The following PIP5K1B variants were observed in gnomAD, a reference collection of about 807,000 sequenced individuals.
The protein encoded by PIP5K1B is phosphatidylinositol-4-phosphate 5-kinase type 1 beta, also known as phosphatidylinositol 4-phosphate 5-kinase type-1 beta.
In PIP5K1B, 42 loss-of-function variants were observed where a neutral mutation model predicts 67.0. The ratio of observed to expected loss-of-function variants is 0.63; its 90% CI spans 0.49 to 0.81. The LOEUF is 0.81. PIP5K1B is among the 30% of genes least tolerant of loss of function. The pLI is 0.00. For missense variants in PIP5K1B, 459 were observed against 646.3 expected, an observed-to-expected ratio of 0.71 and a Z score of 3.14; for synonymous variants, 214 against 231.4, an observed-to-expected ratio of 0.92 and a Z score of 0.68.
intron 7 of PIP5K1B, among the ~76,000 whole-genome samples, chr9:68,892,274 T>G (rs1250292569): frequency 2.0e-5 from 3 of 152,192 alleles, no homozygotes; most frequent in East Asian, 1.9e-4. Flanking sequence ...TTGAAGAATG[T>G]TTTTTAAAAT....
chr9:68,899,460 G>A (rs1392065562), intron 8 of PIP5K1B, among the ~76,000 whole-genome samples: 1 of 11,502 alleles, frequency 8.7e-5, no homozygotes, highest in African/African-American at 1.1e-4. Context: ...GCTGTCTAAT[G>A]ATTTAAAAAA....
chr9:68,715,811 A>G (rs1249511836), intron 1 of PIP5K1B, among the ~76,000 whole-genome samples: 1 of 152,244 alleles, frequency 6.6e-6, no homozygotes, highest in Non-Finnish European at 1.5e-5. Context: ...GATCCTGTCC[A>G]TGAACTTGAT....
chr9:68,912,686 G>T (rs1270108435), intron 8 of PIP5K1B, among the ~76,000 whole-genome samples: 3 of 152,112 alleles, frequency 2.0e-5, no homozygotes, highest in Non-Finnish European at 4.4e-5. Context: ...CAAGCAAGTG[G>T]GGGAGCCATG....
At chr9:68,753,130 A>C (rs1298935515) in intron 2 of PIP5K1B, among the ~76,000 whole-genome samples, 1 of 151,796 alleles carries the variant, frequency 6.6e-6, no homozygotes. Flanking sequence ...TTAAGAATCC[A>C]TCTTTTTGTT....
chr9:68,791,204 G>T (rs571383439), intron 2 of PIP5K1B, among the ~76,000 whole-genome samples: 1 of 152,158 alleles, frequency 6.6e-6, no homozygotes. Context: ...TGAGGTAATC[G>T]CTCCTGGGAT....
intron 4 of PIP5K1B, among the ~76,000 whole-genome samples, chr9:68,853,287 G>T (rs1453913940): frequency 2.0e-5 from 3 of 152,204 alleles, no homozygotes; most frequent in African/African-American, 7.2e-5. Context: ...TGTAGAACTT[G>T]GGGAAGGAGG....
chr9:68,854,842 C>T (rs567088095), intron 4 of PIP5K1B, among the ~76,000 whole-genome samples: 80 of 152,284 alleles, frequency 5.3e-4, no homozygotes, highest in Non-Finnish European at 1.0e-3. Flanking sequence ...TCCTTCCTGT[C>T]TTATTTTCCT....
At chr9:68,996,368 C>T (rs992983890) in intron 15 of PIP5K1B, among the ~76,000 whole-genome samples, 5 of 152,168 alleles carry the variant, frequency 3.3e-5, no homozygotes, top group Admixed American at 3.3e-4. Flanking sequence ...AAAGGCCATT[C>T]ACCTTCACAC....
intron 13 of PIP5K1B, among the ~76,000 whole-genome samples, chr9:68,938,053 G>A (rs1827359064): frequency 6.6e-6 from 1 of 152,192 alleles, no homozygotes; most frequent in Non-Finnish European, 1.5e-5. Flanking sequence ...GCAATGAGGT[G>A]CTGAGAAGAA....
intron 6 of PIP5K1B, among the ~76,000 whole-genome samples, chr9:68,884,515 T>G (rs1199322673): frequency 7.3e-5 from 11 of 151,648 alleles, no homozygotes; most frequent in Admixed American, 3.3e-4. Context: ...CACAAAAAAA[T>G]TATTCGGGCA....
intron 5 of PIP5K1B, among the ~76,000 whole-genome samples, chr9:68,867,944 A>G (rs11144066): frequency 0.4 from 60,882 of 152,044 alleles, 12,862 homozygotes; most frequent in Middle Eastern, 0.5. Flanking sequence ...AACCAAATGC[A>G]TTGTGTTTTT....
At chr9:68,849,012 C>T (rs1258129000) in intron 4 of PIP5K1B, among the ~76,000 whole-genome samples, 1 of 152,162 alleles carries the variant, frequency 6.6e-6, no homozygotes, top group Non-Finnish European at 1.5e-5. Context: ...ACACAGCACT[C>T]TGTTGGTGAG....
chr9:68,876,160 G>T (rs1487538835), intron 5 of PIP5K1B, among the ~76,000 whole-genome samples: 1 of 152,106 alleles, frequency 6.6e-6, no homozygotes, highest in Non-Finnish European at 1.5e-5. Flanking sequence ...AATATGTAAG[G>T]TCTCCTTTTT....
At chr9:68,805,633 G>A (rs1832832829) in intron 2 of PIP5K1B, among the ~76,000 whole-genome samples, 1 of 152,308 alleles carries the variant, frequency 6.6e-6, no homozygotes, top group South Asian at 2.1e-4. Flanking sequence ...GGGCAGTGTT[G>A]TGACACCAGA....
intron 4 of PIP5K1B, chr9:68,824,195 TA>T (rs1211236366): frequency 3.9e-6 from 2 of 518,894 alleles, no homozygotes; most frequent in Admixed American, 1.9e-5. Context: ...GCTAGCCTGT[TA>T]TTACTTCAGA....
At chr9:68,768,158 A>G (rs1025838049) in intron 2 of PIP5K1B, among the ~76,000 whole-genome samples, 1 of 152,228 alleles carries the variant, frequency 6.6e-6, no homozygotes, top group African/African-American at 2.4e-5. Flanking sequence ...AGATATTTCA[A>G]TTGCACAGCT....
intron 14 of PIP5K1B, among the ~76,000 whole-genome samples, chr9:68,949,238 A>G (rs17059479): frequency 0.014 from 2,095 of 152,282 alleles, 36 homozygotes; most frequent in African/African-American, 0.042. Flanking sequence ...ACCTTTGTAG[A>G]CACTCTTCAA....
At chr9:68,951,604 A>T (rs991568895) in intron 14 of PIP5K1B, among the ~76,000 whole-genome samples, 3 of 152,122 alleles carry the variant, frequency 2.0e-5, no homozygotes, top group Non-Finnish European at 4.4e-5. Context: ...TGCCTTTCCA[A>T]CCTAAGTGGT....
At position 68,904,447 on chromosome 9, in the gene PIP5K1B, G is replaced by C. The variant is rs147114420; in HGVS notation, c.771+9809G>C. On this transcript the variant is annotated intron_variant, in intron 8 of 15. Transcript: ENST00000265382. Reference sequence around the variant, plus strand: ...GCCTATTTCAAGGAAGGAACACAGTGCCAAGTGACTAAGGAACACAAAGTA... The same window carrying C: ...GCCTATTTCAAGGAAGGAACACAGTCCCAAGTGACTAAGGAACACAAAGTA... 2.9e-3 allele frequency among the ~76,000 whole-genome samples: 447 copies of C among 152,330 alleles called. 1 individual carries two copies. Among genetic ancestry groups the C allele is most frequent in the African/African-American group, 0.01 (422 of 41,572 alleles).
Sources: gnomAD v4.1 joint callset for allele counts (sites outside exome capture counted in the v4.1 genomes callset) on GRCh38, gnomAD v4.1.1 for gene constraint, MANE v1.5 for transcripts, NCBI Gene and HGNC (gene_info 2026-07-23, HGNC 2026-07-21) for gene names.